Variants in IRF3 observed in about 807,000 individuals in gnomAD.
IRF3 encodes the protein interferon regulatory factor 3.
In IRF3, 29 loss-of-function variants were observed where a neutral mutation model predicts 43.2. The observed-to-expected ratio is 0.67, with a 90% CI of 0.50 to 0.91. IRF3 has a LOEUF of 0.91. IRF3 is among the 40% of genes least tolerant of loss of function. The probability of loss-of-function intolerance (pLI) is 0.00; values close to 1 mark genes in which losing one functional copy is unlikely to be tolerated. For synonymous variants in IRF3, 228 were observed against 233.9 expected, an observed-to-expected ratio of 0.97 and a Z score of 0.23; for missense variants, 505 against 559.1, an observed-to-expected ratio of 0.90 and a Z score of 0.98.
chr19:49,660,562 G>A (rs2081278753), intron 7 of IRF3, 151 bp downstream of exon 7: 2 of 751,988 alleles, frequency 2.7e-6, no homozygotes, highest in Non-Finnish European at 4.1e-6. Flanking sequence ...GCCATGGGAA[G>A]GAGCTCCCGG....
intron 7 of IRF3, among the ~76,000 whole-genome samples, 194 bp from the exon 8 acceptor site, chr19:49,660,027 A>ACACCCCCCCC (rs57168131): frequency 8.0e-5 from 6 of 74,744 alleles, no homozygotes; most frequent in African/African-American, 5.9e-4. Context: ...ACACACACAC[A>ACACCCCCCCC]CCCCCTGCTG....
chr19:49,664,564 C>A (rs2081556015), intron 2 of IRF3, 110 bp downstream of exon 2: 1 of 1,601,242 alleles, frequency 6.2e-7, no homozygotes, highest in Non-Finnish European at 8.5e-7. Flanking sequence ...AGCGTTGGCA[C>A]GAGCCCGCCC....
In IRF3 at chr19:49,665,814, C is replaced by A. The variant is rs909552758; in HGVS notation, c.-192G>T. 1 of 1,584,584 alleles carries A rather than the reference C, an allele frequency of 6.3e-7. No individual in the cohort carries two copies. Among genetic ancestry groups the A allele is most frequent in the South Asian group, 1.1e-5 (1 of 90,238 alleles). On this transcript the variant is annotated 5_prime_UTR_variant, in exon 1 of 8. Transcript: ENST00000377139. ...CTTTATCATTCTTTGGGTAACAGAC[C>A]CAAAAGCCGATGGGACGGCCCGCTG...
Position 49,662,321 on chromosome 19 carries a change from C to T in IRF3, c.609G>A (p.Glu203=), listed in dbSNP as rs1327721320. 3 of 1,613,570 alleles carry T rather than the reference C, an allele frequency of 1.9e-6. No individual in the cohort carries two copies. The highest frequency in any genetic ancestry group is 2.2e-5 in the South Asian group (2 of 91,064). ...KRLLVPGEEW[E]FEVTAFYRGR... is the part of the protein sequence containing the mutation. ...CCCGGTAGAAGGCTGTCACCTCGAA[C>T]TCCCACTCTGAGCAGCGGCAGCAGC... is the stretch of plus-strand genomic sequence containing the variant. Residue 203 remains glutamate (E), a synonymous_variant, in exon 6 of 8, where the codon GAG becomes GAA. Transcript: ENST00000377139.
In IRF3 at chr19:49,663,200, A is replaced by G. The variant is rs1568460918; in HGVS notation, c.396T>C (p.Thr132=). ...TSPDTNGGGS[T]SDTQEDILDE... ...GGCACATTCTCACCTGGGTATCAGA[A>G]GTACTGCCTCCACCATTGGTGTCCG... Residue 132 remains threonine, a synonymous_variant, in exon 4 of 8, where the codon ACT becomes ACC. Coordinates refer to ENST00000377139, the MANE Select transcript of IRF3 (RefSeq NM_001571.6). The G allele has an allele frequency of 6.2e-7, 1 of 1,614,050 alleles. No individual in the cohort carries two copies. The highest frequency in any genetic ancestry group is 8.5e-7 in the Non-Finnish European group (1 of 1,179,914).
chr19:49,665,483 C>T (rs1568468440), intron 1 of IRF3, 148 bp downstream of exon 1: 2 of 231,558 alleles, frequency 8.6e-6, no homozygotes, highest in Non-Finnish European at 1.7e-5. Context: ...CTGCAGCCGA[C>T]CTCCAGCGTC....
At position 49,660,974 on chromosome 19, in the gene IRF3, C is replaced by T. The variant is rs1332581522; in HGVS notation, c.983-146G>A. On this transcript the variant is annotated intron_variant, in intron 6 of 7. Transcript: ENST00000377139. ...GGGGACTGCTTGTTTGGGGAAAGTC[C>T]CCTCCTTCCCTCCCTCCCTCCCTCC... 2.6e-5 allele frequency: 23 copies of T among 870,248 alleles called. No individual in the cohort carries two copies. In the East Asian group the frequency reaches 5.5e-4, roughly 21 times the overall value. 53.9% of individuals were successfully genotyped at this position (870,248 alleles called of 1,614,324 possible). A position where few individuals can be genotyped will look rare whatever the true frequency, so the allele number is the denominator to read the frequency against.
chr19:49,660,806 T>C lies in IRF3; in HGVS notation c.1005A>G (p.Gly335=), dbSNP rs2081291948. Residue 335 remains glycine (G), a synonymous_variant, in exon 7 of 8, where the codon GGA becomes GGG. Transcript: ENST00000377139. ...FIVDLITFTE[G]SGRSPRYALW... is the part of the protein sequence containing the mutation. ...GGGCATAGCGTGGTGAGCGTCCGCTTCCTTCCGTGAAGGTAATCAGATCTG... is the reference window on the plus strand; with the variant it reads ...GGGCATAGCGTGGTGAGCGTCCGCTCCCTTCCGTGAAGGTAATCAGATCTG... 6.2e-7 allele frequency: 1 copy of C among 1,605,650 alleles called. No individual in the cohort carries two copies. The highest frequency in any genetic ancestry group is 1.3e-5 in the African/African-American group (1 of 74,828).
chr19:49,664,495 C>G (rs766402694), intron 2 of IRF3, 179 bp downstream of exon 2: 4 of 1,559,262 alleles, frequency 2.6e-6, no homozygotes, highest in Non-Finnish European at 3.4e-6. Flanking sequence ...CTGCTTGCGC[C>G]CCACCATCAG....
chr19:49,662,351 T>C, intron 5 of IRF3, 23 bp from the exon 6 acceptor site: 1 of 1,611,060 alleles, frequency 6.2e-7, no homozygotes, highest in Non-Finnish European at 8.5e-7. Context: ...AGCAGCGGCA[T>C]GAAGGGGAGA....
intron 7 of IRF3, among the ~76,000 whole-genome samples, chr19:49,660,371 C>T (rs1568453138): frequency 1.3e-5 from 2 of 152,250 alleles, no homozygotes; most frequent in South Asian, 2.1e-4. Context: ...GAACTGCGCA[C>T]GTGAGGGATC....
chr19:49,660,881 T>A, intron 6 of IRF3, 53 bp from the exon 7 acceptor site: 1 of 1,546,808 alleles, frequency 6.5e-7, no homozygotes, highest in Non-Finnish European at 8.7e-7. Flanking sequence ...CTACCCACCC[T>A]TCCCCGTAAA....
chr19:49,664,381 C>T (rs1599875861), intron 2 of IRF3: 1 of 1,240,052 alleles, frequency 8.1e-7, no homozygotes, highest in Non-Finnish European at 1.1e-6. Flanking sequence ...TATCCTACAA[C>T]CAAGAGCCCC....
At chr19:49,664,326 C>A (rs1349649280) in intron 2 of IRF3, 1 of 714,182 alleles carries the variant, frequency 1.4e-6, no homozygotes, top group Non-Finnish European at 2.2e-6. Context: ...AGATTTGGGG[C>A]TCCAGGCCTC....
intron 4 of IRF3, 100 bp from the exon 5 acceptor site, chr19:49,662,717 T>C (rs1568460114): frequency 1.0e-6 from 1 of 993,786 alleles, no homozygotes; most frequent in Non-Finnish European, 1.5e-6. Flanking sequence ...GAGGTCAGGC[T>C]TGAGCTCTGC....
intron 7 of IRF3, among the ~76,000 whole-genome samples, chr19:49,660,057 G>A (rs1452744692): frequency 7.4e-6 from 1 of 135,118 alleles, no homozygotes; most frequent in Admixed American, 7.6e-5. Flanking sequence ...CATAGGCCTA[G>A]GGCTGCTGGG....
chr19:49,660,093 A>ATACACAC (rs2081250663), intron 7 of IRF3, among the ~76,000 whole-genome samples: 1 of 130,580 alleles, frequency 7.7e-6, no homozygotes, highest in African/African-American at 3.4e-5. Context: ...CACACACACA[A>ATACACAC]ACACACACAC....
Position 49,659,736 on chromosome 19 carries a change from T to A in IRF3, c.1196A>T (p.His399Leu). Residue 399 changes from histidine to leucine, a missense_variant, in exon 8 of 8, where the codon CAC becomes CTC. Physicochemically the swap from His to Leu is moderately conservative, Grantham distance 99. Transcript: ENST00000377139. The stretch of plus-strand genomic sequence containing the variant: ...CTGGTCGGAGGTGAGGGAGAGTGGG[T>A]GGCTGTTGGAAATGTGCAGGTCCAC... Reference protein sequence around the residue: ...NTVDLHISNSHPLSLTSDQYK... With the variant: ...NTVDLHISNSLPLSLTSDQYK... The A allele has an allele frequency of 3.1e-6, 5 of 1,613,556 alleles. No individual in the cohort carries two copies. Among genetic ancestry groups the A allele is most frequent in the Non-Finnish European group, 4.2e-6 (5 of 1,179,846 alleles).
In IRF3 at chr19:49,660,728, C is replaced by T. The variant is rs1410043105; in HGVS notation, c.1083G>A (p.Arg361=). 1 of 1,605,370 alleles carries T rather than the reference C, an allele frequency of 6.2e-7. No homozygotes were observed. ...CTGCAGGCACCTTGACCATCACGAG[C>T]CTCTTGGTCCACGGCTGGTCCTGGG... ...SWPQDQPWTK[R]LVMVKVVPTC... The change falls in exon 7 of 8, where the codon AGG becomes AGA. Residue 361 remains arginine (R), a synonymous_variant. Coordinates refer to ENST00000377139, the MANE Select transcript of IRF3 (RefSeq NM_001571.6).
Sources: allele counts gnomAD v4.1 joint callset (sites outside exome capture counted in the v4.1 genomes callset), GRCh38; gene constraint gnomAD v4.1.1; transcripts MANE v1.5; gene names NCBI Gene and HGNC (gene_info 2026-07-23, HGNC 2026-07-21).